The following IGF1R variants were observed in gnomAD, a reference collection of about 807,000 sequenced individuals.
IGF1R encodes insulin like growth factor 1 receptor.
In IGF1R, 44 loss-of-function variants were observed where a neutral mutation model predicts 144.6. The observed-to-expected ratio is 0.30, with a 90% confidence interval of 0.24 to 0.39. IGF1R has a LOEUF of 0.39. Among genes scored for constraint, IGF1R ranks in the 10% least tolerant of loss-of-function variants. The pLI is 1.00. For synonymous variants in IGF1R, 795 were observed against 722.8 expected (o/e 1.10, Z -1.60); for missense variants, 1,355 against 1,833.7 (o/e 0.74, Z 4.77).
intron 2 of IGF1R, among the ~76,000 whole-genome samples, chr15:98,736,760 T>C (rs1465789009): frequency 6.6e-6 from 1 of 151,998 alleles, no homozygotes; most frequent in Non-Finnish European, 1.5e-5. Context: ...TACAGGCATC[T>C]GCCACCTCAC....
chr15:98,771,506 T>G (rs1313370576), intron 2 of IGF1R, among the ~76,000 whole-genome samples: 5 of 152,088 alleles, frequency 3.3e-5, no homozygotes, highest in African/African-American at 4.8e-5. Flanking sequence ...AAGGCTTTAG[T>G]GAGTAAGCAG....
chr15:98,924,755 A>G, intron 13 of IGF1R, 71 bp downstream of exon 13: 1 of 1,326,560 alleles, frequency 7.5e-7, no homozygotes, highest in Non-Finnish European at 1.1e-6. Flanking sequence ...GGACAGCCCG[A>G]GTGTTCATGG....
rs2017218586 is a variant in IGF1R at position 98,961,356 on chromosome 15, CACTA to C, written c.*3917_*3920del. On this transcript the variant is annotated 3_prime_UTR_variant, in exon 21 of 21. Transcript: ENST00000650285. ...ATGTAGGTAGCTTTTAAGTAGAAAA[CACTA>C]ACAGTGTAGTGCCCATCATAGCAAA... The C allele has an allele frequency of 4.3e-6, 1 of 233,498 alleles. No individual in the cohort carries two copies. Among genetic ancestry groups the C allele is most frequent in the South Asian group, 1.8e-4 (1 of 5,530 alleles). 14.5% of individuals were successfully genotyped at this position (233,498 alleles called of 1,614,324 possible).
At chr15:98,661,936 G>C (rs2052608718) in intron 1 of IGF1R, among the ~76,000 whole-genome samples, 1 of 145,810 alleles carries the variant, frequency 6.9e-6, no homozygotes, top group Admixed American at 6.8e-5. Context: ...CTGGGGAATT[G>C]CTGCCAGTTG....
chr15:98,741,659 G>A (rs185313139), intron 2 of IGF1R, among the ~76,000 whole-genome samples: 5 of 152,168 alleles, frequency 3.3e-5, no homozygotes, highest in Admixed American at 6.5e-5. Flanking sequence ...CCGTCCTCCC[G>A]CATTTCTTCT....
At chr15:98,911,096 G>A (rs566538940) in intron 6 of IGF1R, among the ~76,000 whole-genome samples, 12 of 152,286 alleles carry the variant, frequency 7.9e-5, no homozygotes, top group South Asian at 6.2e-4. Context: ...AGTAGCCAGC[G>A]TAACTGATTG....
chr15:98,652,931 A>AC lies in IGF1R; in HGVS notation c.94+3259dup, dbSNP rs888151383. On this transcript the variant is annotated intron_variant, in intron 1 of 20. Coordinates refer to ENST00000650285, the MANE Select transcript of IGF1R (RefSeq NM_000875.5). ...TGGTATGTGAATTATATCTCAATAA[A>AC]CCCTTTTTTTTTTTTTTAAAGAAAT... Among the ~76,000 whole-genome samples, 408 of 130,118 alleles carry AC rather than the reference A, an allele frequency of 3.1e-3. 3 individuals carry two copies. The highest frequency in any genetic ancestry group is 0.011 in the African/African-American group (370 of 32,852). The allele number at this position is 130,118 out of a possible 152,430, so 85.4% of individuals were successfully genotyped here.
rs777927433 is a variant in IGF1R, at chr15:98,915,950, G to T, written c.1829-14G>T. 5.6e-6 allele frequency: 9 copies of T among 1,613,048 alleles called. No homozygotes were observed. The highest frequency in any genetic ancestry group is 1.3e-5 in the African/African-American group (1 of 74,854). ...CATTTCATTTTCTAGAATGTTCTTT[G>T]TTCCCCTCTCCAGTTCCTTCCATTC... is the stretch of plus-strand genomic sequence containing the variant. On this transcript the variant is annotated splice_polypyrimidine_tract_variant and intron_variant, in intron 8 of 20. Transcript: ENST00000650285.
chr15:98,772,510 A>ATTATTATTATTATTATTATTATTG (rs60796484), intron 2 of IGF1R, among the ~76,000 whole-genome samples: 38 of 141,946 alleles, frequency 2.7e-4, no homozygotes, highest in Admixed American at 3.6e-4. Context: ...TATTATTATT[A>ATTATTATTATTATTATTATTATTG]TTATTTTAAG....
At chr15:98,710,096 A>G (rs1040976024) in intron 2 of IGF1R, among the ~76,000 whole-genome samples, 1 of 152,156 alleles carries the variant, frequency 6.6e-6, no homozygotes, top group Non-Finnish European at 1.5e-5. Flanking sequence ...AAAAGGAGGA[A>G]GGAAAAGCAC....
In IGF1R at chr15:98,704,566, G is replaced by A. The variant is rs7166348; in HGVS notation, c.95-2996G>A. Among the ~76,000 whole-genome samples the A allele has an allele frequency of 0.22, 33,430 of 152,088 alleles. 4,144 individuals are homozygous for A. Among genetic ancestry groups the A allele is most frequent in the East Asian group, 0.41 (2,111 of 5,150 alleles). The stretch of plus-strand genomic sequence containing the variant: ...AGTGGCTCAGATCAGAGCTAAAGTA[G>A]TGGAGACACACAGACATTGAAAGAA... On this transcript the variant is annotated intron_variant, in intron 1 of 20. Coordinates refer to ENST00000650285, the MANE Select transcript of IGF1R (RefSeq NM_000875.5). This position sits in a 1 kb window ranked among gnomAD's most constrained non-coding sequence, Gnocchi z 4.9.
chr15:98,908,095 G>T (rs2014819493), intron 5 of IGF1R, among the ~76,000 whole-genome samples: 1 of 152,210 alleles, frequency 6.6e-6, no homozygotes, highest in Non-Finnish European at 1.5e-5. Flanking sequence ...CATGTTAGTG[G>T]CTCTTCCTCC....
intron 2 of IGF1R, among the ~76,000 whole-genome samples, chr15:98,853,819 T>C (rs939445942): frequency 6.6e-5 from 10 of 151,376 alleles, no homozygotes; most frequent in African/African-American, 2.4e-4. Context: ...GTGCGGGGAG[T>C]GGAGGAGGAG....
At chr15:98,878,694 AACAACAAC>A (rs2013203334) in intron 2 of IGF1R, among the ~76,000 whole-genome samples, 1 of 116,946 alleles carries the variant, frequency 8.6e-6, no homozygotes, top group African/African-American at 3.7e-5. Flanking sequence ...AAAAAAAAAA[AACAACAAC>A]AAAAAAAAGG....
At chr15:98,878,675 A>C (rs1404641143) in intron 2 of IGF1R, among the ~76,000 whole-genome samples, 1 of 89,496 alleles carries the variant, frequency 1.1e-5, no homozygotes, top group African/African-American at 3.4e-5. Context: ...AAAAAAAAAA[A>C]AAAAAAAAAA....
chr15:98,853,641 G>A (rs967744224), intron 2 of IGF1R, among the ~76,000 whole-genome samples: 15 of 152,224 alleles, frequency 9.9e-5, no homozygotes, highest in African/African-American at 3.4e-4. Context: ...TCTGGTTTGC[G>A]GAGTGGAGGA....
intron 1 of IGF1R, among the ~76,000 whole-genome samples, chr15:98,663,606 G>C (rs28410907): frequency 6.6e-6 from 1 of 152,066 alleles, no homozygotes; most frequent in Admixed American, 6.5e-5. Flanking sequence ...GTTGTTGTTC[G>C]TTTGCTGGGG....
At chr15:98,808,422 T>C (rs1262663216) in intron 2 of IGF1R, among the ~76,000 whole-genome samples, 2 of 152,232 alleles carry the variant, frequency 1.3e-5, no homozygotes, top group Admixed American at 6.5e-5. Flanking sequence ...TGATTTTGCA[T>C]TGAACTGTGA....
intron 2 of IGF1R, among the ~76,000 whole-genome samples, chr15:98,859,185 G>A (rs1057104214): frequency 2.5e-4 from 38 of 152,032 alleles, no homozygotes; most frequent in African/African-American, 8.5e-4. Flanking sequence ...TATTGAGATC[G>A]GTGTAAAAAT....
Sources: allele counts gnomAD v4.1 joint callset (sites outside exome capture counted in the v4.1 genomes callset), GRCh38; gene constraint gnomAD v4.1.1; non-coding constraint Gnocchi (gnomAD v3.1); transcripts MANE v1.5; gene names NCBI Gene and HGNC (gene_info 2026-07-23, HGNC 2026-07-21).